The following PEBP4 variants were observed in gnomAD, a reference collection of about 807,000 sequenced individuals.
The protein encoded by PEBP4 is phosphatidylethanolamine-binding protein 4.
PEBP4 carries 22 observed loss-of-function variants against 23.9 expected under a neutral mutation model. The ratio of observed to expected loss-of-function variants is 0.92; its 90% CI spans 0.66 to 1.31. The LOEUF (loss-of-function observed/expected upper bound fraction) is 1.31. PEBP4 is among the 40% of genes most tolerant of loss of function. The pLI, the probability that PEBP4 is intolerant of heterozygous loss-of-function variation, is 0.00. For synonymous variants in PEBP4, 112 were observed against 99.3 expected (o/e 1.13, Z -0.76); for missense variants, 324 against 281.7 (o/e 1.15, Z -1.07).
At chr8:22,920,966 T>A (rs1384764615) in intron 2 of PEBP4, among the ~76,000 whole-genome samples, 1 of 152,168 alleles carries the variant, frequency 6.6e-6, no homozygotes, top group Non-Finnish European at 1.5e-5. Context: ...TTCATGTATT[T>A]GCTCCCTGAG....
intron 4 of PEBP4, among the ~76,000 whole-genome samples, chr8:22,796,016 A>G (rs1005578807): frequency 6.6e-6 from 1 of 152,220 alleles, no homozygotes; most frequent in African/African-American, 2.4e-5. Flanking sequence ...TACAATTGGA[A>G]TGGTGCTGAA....
chr8:22,737,621 G>A (rs779530351), intron 4 of PEBP4, among the ~76,000 whole-genome samples: 28 of 152,260 alleles, frequency 1.8e-4, no homozygotes, highest in Non-Finnish European at 3.4e-4. Flanking sequence ...AAATGGAGCC[G>A]TCCAGTTAAA....
intron 4 of PEBP4, among the ~76,000 whole-genome samples, chr8:22,783,662 T>G (rs1056417215): frequency 3.9e-5 from 6 of 152,022 alleles, no homozygotes; most frequent in African/African-American, 1.5e-4. Flanking sequence ...CATGCTGTGG[T>G]TTTTGGTTTT....
chr8:22,812,770 T>C (rs1806658062), intron 4 of PEBP4, among the ~76,000 whole-genome samples: 1 of 152,236 alleles, frequency 6.6e-6, no homozygotes. Flanking sequence ...TCATTATTTT[T>C]ATATCGATAT....
chr8:22,786,314 G>GCT (rs1376079692), intron 4 of PEBP4, among the ~76,000 whole-genome samples: 1 of 152,110 alleles, frequency 6.6e-6, no homozygotes, highest in Non-Finnish European at 1.5e-5. Flanking sequence ...ACAGGGTCTT[G>GCT]CTCTGCTTCC....
chr8:22,815,606 G>A (rs571273995), intron 4 of PEBP4, among the ~76,000 whole-genome samples: 4 of 152,326 alleles, frequency 2.6e-5, no homozygotes, highest in South Asian at 2.1e-4. Flanking sequence ...GAACACTCAC[G>A]AGGGAAGCAG....
At chr8:22,898,620 T>C (rs1363936855) in intron 3 of PEBP4, among the ~76,000 whole-genome samples, 6 of 152,160 alleles carry the variant, frequency 3.9e-5, no homozygotes, top group Admixed American at 3.9e-4. Context: ...CCCGAGGGAA[T>C]GTTCCCCTCA....
intron 6 of PEBP4, 85 bp from the exon 7 acceptor site, chr8:22,713,621 T>G (rs2128747260): frequency 6.3e-7 from 1 of 1,583,920 alleles, no homozygotes; most frequent in Non-Finnish European, 8.6e-7. Flanking sequence ...GGAGGCCGGC[T>G]CGTGGGAGCC....
intron 4 of PEBP4, among the ~76,000 whole-genome samples, chr8:22,755,238 G>A (rs572808265): frequency 1.3e-4 from 20 of 152,148 alleles, no homozygotes; most frequent in Admixed American, 1.3e-4. Context: ...ATTATCTAGC[G>A]GAGTGTAACA....
At chr8:22,883,873 G>C (rs1808315076) in intron 3 of PEBP4, 1 of 151,978 alleles carries the variant, frequency 6.6e-6, no homozygotes, top group East Asian at 1.9e-4. Context: ...CTTAAATTTT[G>C]ATTACTGTAT....
intron 3 of PEBP4, among the ~76,000 whole-genome samples, chr8:22,905,019 C>T (rs371974220): frequency 6.6e-6 from 1 of 152,130 alleles, no homozygotes; most frequent in African/African-American, 2.4e-5. Context: ...AATTACTGCT[C>T]AAACACAATG....
intron 3 of PEBP4, among the ~76,000 whole-genome samples, chr8:22,831,734 C>T (rs1585296996): frequency 6.6e-6 from 1 of 152,138 alleles, no homozygotes; most frequent in Non-Finnish European, 1.5e-5. Context: ...GCAGAGGATG[C>T]TACCGCTGAG....
chr8:22,777,710 C>A (rs945867202), intron 4 of PEBP4, among the ~76,000 whole-genome samples: 45 of 152,266 alleles, frequency 3.0e-4, no homozygotes, highest in Non-Finnish European at 5.3e-4. Context: ...CAGAACTGCT[C>A]CAAGCCCCCA....
chr8:22,795,143 G>GTGTATATATA (rs1268855798), intron 4 of PEBP4, among the ~76,000 whole-genome samples: 4 of 49,906 alleles, frequency 8.0e-5, no homozygotes, highest in South Asian at 2.0e-3. Flanking sequence ...ATGTGTGTGT[G>GTGTATATATA]TATATATATA....
chr8:22,861,408 T>C (rs1807776254), intron 3 of PEBP4, among the ~76,000 whole-genome samples: 2 of 152,194 alleles, frequency 1.3e-5, no homozygotes, highest in African/African-American at 4.8e-5. Flanking sequence ...TAAATAAATA[T>C]CGACTACTAT....
At chr8:22,774,697 G>A (rs1050418730) in intron 4 of PEBP4, among the ~76,000 whole-genome samples, 4 of 152,168 alleles carry the variant, frequency 2.6e-5, no homozygotes, top group African/African-American at 9.7e-5. Context: ...CATTTTGGAG[G>A]TGCAGACAGG....
chr8:22,777,336 TG>T (rs1805833275), intron 4 of PEBP4, among the ~76,000 whole-genome samples: 1 of 151,998 alleles, frequency 6.6e-6, no homozygotes, highest in South Asian at 2.1e-4. Context: ...CTTTCTGGGA[TG>T]GAGAGGACAA....
At chr8:22,878,033 G>C (rs1808160476) in intron 3 of PEBP4, 1 of 152,278 alleles carries the variant, frequency 6.6e-6, no homozygotes, top group Non-Finnish European at 1.5e-5. Context: ...TCATTCTTTA[G>C]AGACTCAACC....
intron 2 of PEBP4, 79 bp from the exon 3 acceptor site, chr8:22,920,389 A>G: frequency 6.9e-7 from 1 of 1,451,714 alleles, no homozygotes; most frequent in South Asian, 1.4e-5. Flanking sequence ...GTCTAGCACT[A>G]TTGGGAATGT....
Sources: allele counts gnomAD v4.1 joint callset (sites outside exome capture counted in the v4.1 genomes callset), GRCh38; gene constraint gnomAD v4.1.1; transcripts MANE v1.5; gene names NCBI Gene and HGNC (gene_info 2026-07-23, HGNC 2026-07-21).